RAD9B: variants seen among roughly 807,000 people sequenced by gnomAD.
The protein encoded by RAD9B is cell cycle checkpoint control protein RAD9B.
RAD9B carries 41 observed loss-of-function variants against 48.3 expected under a neutral mutation model. The ratio of observed to expected loss-of-function variants is 0.85; its 90% CI spans 0.66 to 1.10. The LOEUF is 1.10. Ranked by LOEUF, RAD9B falls within the 50% of genes least tolerant of loss-of-function variation. The pLI, the probability that RAD9B is intolerant of heterozygous loss-of-function variation, is 0.00. For missense variants in RAD9B, 444 were observed against 485.1 expected (o/e 0.92, Z 0.80); for synonymous variants, 160 against 157.9 (o/e 1.01, Z -0.10).
At position 110,506,784 on chromosome 12, in the gene RAD9B, C is replaced by T. The variant is rs1009905876; in HGVS notation, c.388+91C>T. 205 of 672,230 alleles carry T rather than the reference C, an allele frequency of 3.0e-4. 2 individuals are homozygous for T. In the East Asian group the frequency reaches 4.1e-3, roughly 13 times the overall value. The allele number at this position is 672,230 out of a possible 1,614,324, so 41.6% of individuals were successfully genotyped here. A position where few individuals can be genotyped will look rare whatever the true frequency, so the allele number is the denominator to read the frequency against. On this transcript the variant is annotated intron_variant, in intron 4 of 10. Transcript: ENST00000409300. Reference sequence around the variant, plus strand: ...ATTGATATTTCATGTCAAGATTTCTCGTTACATTATTGCTTAGAGTGTGTG... The same window carrying T: ...ATTGATATTTCATGTCAAGATTTCTTGTTACATTATTGCTTAGAGTGTGTG...
At chr12:110,516,540 G>A (rs1265092499) in intron 6 of RAD9B, among the ~76,000 whole-genome samples, 2 of 152,000 alleles carry the variant, frequency 1.3e-5, no homozygotes, top group Non-Finnish European at 2.9e-5. Flanking sequence ...GGCCGGGTGC[G>A]GTGGCTCACG....
intron 1 of RAD9B, chr12:110,502,661 G>A (rs550491639): frequency 4.7e-6 from 2 of 426,828 alleles, no homozygotes; most frequent in South Asian, 3.5e-5. Context: ...GACTGCATGG[G>A]GAAGAGTTGA....
At chr12:110,518,598 G>A in intron 6 of RAD9B, 78 bp from the exon 7 acceptor site, 3 of 962,820 alleles carry the variant, frequency 3.1e-6, no homozygotes, top group South Asian at 1.7e-5. Context: ...GGATTTGGGA[G>A]ACCAGAAAAA....
chr12:110,512,569 G>T (rs1409016016), intron 4 of RAD9B, among the ~76,000 whole-genome samples: 2 of 152,216 alleles, frequency 1.3e-5, no homozygotes, highest in Admixed American at 6.5e-5. Flanking sequence ...TCTCCTGCCT[G>T]ATTGGTCAGA....
intron 10 of RAD9B, among the ~76,000 whole-genome samples, chr12:110,528,881 C>T (rs559026017): frequency 6.6e-6 from 1 of 152,256 alleles, no homozygotes; most frequent in African/African-American, 2.4e-5. Flanking sequence ...GCATGCATCA[C>T]CACACCCAGC....
chr12:110,532,624 GT>G lies in RAD9B; in HGVS notation c.*1975del. ...ATACAGTCATGTGCTGCATAACAAC[GT>G]TTTGGTCAACGATGGACTGCACAGA... On this transcript the variant is annotated 3_prime_UTR_variant, in exon 11 of 11. Coordinates refer to ENST00000409300, the MANE Select transcript of RAD9B (RefSeq NM_001286535.2). Among the ~76,000 whole-genome samples the G allele has an allele frequency of 6.6e-6, 1 of 152,314 alleles. No homozygotes were observed. Among genetic ancestry groups the G allele is most frequent in the East Asian group, 1.9e-4 (1 of 5,192 alleles).
In RAD9B at chr12:110,531,303, C is replaced by T; in HGVS notation, c.*650C>T. 2 of 431,756 alleles carry T rather than the reference C, an allele frequency of 4.6e-6. No homozygotes were observed. The highest frequency in any genetic ancestry group is 7.3e-6 in the Non-Finnish European group (2 of 273,826). The allele number at this position is 431,756 out of a possible 1,614,324, so 26.7% of individuals were successfully genotyped here. A position where few individuals can be genotyped will look rare whatever the true frequency, so the allele number is the denominator to read the frequency against. On this transcript the variant is annotated 3_prime_UTR_variant, in exon 11 of 11. Transcript: ENST00000409300. ...TGCCTCCCAGGTCCAAGCGATTCTCCTGCCTCAGCCTCCCGTGCAGCTGGG... is the reference window on the plus strand; with the variant it reads ...TGCCTCCCAGGTCCAAGCGATTCTCTTGCCTCAGCCTCCCGTGCAGCTGGG...
At chr12:110,526,226 A>AG (rs1393919434) in intron 10 of RAD9B, among the ~76,000 whole-genome samples, 1 of 152,224 alleles carries the variant, frequency 6.6e-6, no homozygotes, top group East Asian at 1.9e-4. Flanking sequence ...TAGTAAAAAA[A>AG]AAAAGATTTT....
rs1294673731 is a variant in RAD9B at position 110,532,846 on chromosome 12, T to C, written c.*2193T>C. Among the ~76,000 whole-genome samples, 3 of 152,240 alleles carry C rather than the reference T, an allele frequency of 2.0e-5. No homozygotes were observed. The highest frequency in any genetic ancestry group is 4.8e-5 in the African/African-American group (2 of 41,456). On this transcript the variant is annotated 3_prime_UTR_variant, in exon 11 of 11. Transcript: ENST00000409300. Reference sequence around the variant, plus strand: ...GCCTAGGAGCAACAGGCTATTCATATAGCCCAGATGTGTAGTAGGCTAGAC... The same window carrying C: ...GCCTAGGAGCAACAGGCTATTCATACAGCCCAGATGTGTAGTAGGCTAGAC...
rs2064145908 is a variant in RAD9B at position 110,531,754 on chromosome 12, A to G, written c.*1101A>G. 1 of 867,662 alleles carries G rather than the reference A, an allele frequency of 1.2e-6. No homozygotes were observed. Among genetic ancestry groups the G allele is most frequent in the African/African-American group, 1.7e-5 (1 of 58,574 alleles). The allele number at this position is 867,662 out of a possible 1,614,324, so 53.7% of individuals were successfully genotyped here. ...TTTACCTGCACAAATGGACTAAAAA[A>G]TCTGGCACAAAACATTGTTATGTAA... On this transcript the variant is annotated 3_prime_UTR_variant, in exon 11 of 11. Transcript: ENST00000409300.
chr12:110,519,293 G>A (rs2063701608), intron 8 of RAD9B, among the ~76,000 whole-genome samples: 1 of 151,978 alleles, frequency 6.6e-6, no homozygotes, highest in Non-Finnish European at 1.5e-5. Context: ...TGGTAGAGAC[G>A]GGGTTTCACC....
At chr12:110,511,376 C>T (rs894417526) in intron 4 of RAD9B, 16 of 375,944 alleles carry the variant, frequency 4.3e-5, no homozygotes, top group Non-Finnish European at 6.5e-5. Context: ...AGTATATATA[C>T]ACAATGGAAT....
At chr12:110,502,440 G>C in intron 1 of RAD9B, 57 bp downstream of exon 1, 1 of 1,586,382 alleles carries the variant, frequency 6.3e-7, no homozygotes. Context: ...ACGTTAATAG[G>C]TCGTCCCTAC....
chr12:110,503,904 A>T, intron 2 of RAD9B, 28 bp downstream of exon 2: 1 of 1,409,010 alleles, frequency 7.1e-7, no homozygotes, highest in Middle Eastern at 1.8e-4. Context: ...CAGATCACGT[A>T]TCAAGGCAAG....
At chr12:110,527,969 C>T (rs982164501) in intron 10 of RAD9B, among the ~76,000 whole-genome samples, 4 of 152,016 alleles carry the variant, frequency 2.6e-5, no homozygotes, top group Non-Finnish European at 5.9e-5. Context: ...GGGATGGCCA[C>T]TGTGGTTGGA....
rs1414478900 is a variant in RAD9B at position 110,530,634 on chromosome 12, G to A, written c.1235G>A (p.Gly412Asp). 6.2e-7 allele frequency: 1 copy of A among 1,613,942 alleles called. No individual in the cohort carries two copies. Among genetic ancestry groups the A allele is most frequent in the Non-Finnish European group, 8.5e-7 (1 of 1,179,834 alleles). The change falls in exon 11 of 11, where the codon GGC (glycine) becomes GAC (aspartate). Residue 412 changes from glycine to aspartate, a missense_variant. Coordinates refer to ENST00000409300, the MANE Select transcript of RAD9B (RefSeq NM_001286535.2). ...GACAGTGAAGAGGACATGAATAATG[G>A]CAGTTTCTCTATATTCTAATGCTTA... ...ASDSEEDMNN[G>D]SFSIF
chr12:110,503,822 T>G lies in RAD9B; in HGVS notation c.63T>G (p.Val21=). The change falls in exon 2 of 11, where the codon GTT becomes GTG. Residue 21 remains valine (V), a synonymous_variant. Coordinates refer to ENST00000409300, the MANE Select transcript of RAD9B (RefSeq NM_001286535.2). ...TCTCCATAGTATTTGGGAAAGCAGTTCAAGCTCTATCACGAATTAGTGACG... is the reference window on the plus strand; with the variant it reads ...TCTCCATAGTATTTGGGAAAGCAGTGCAAGCTCTATCACGAATTAGTGACG... ...GSQVKVFGKA[V]QALSRISDEF... is the part of the protein sequence containing the mutation. 1 of 1,607,068 alleles carries G rather than the reference T, an allele frequency of 6.2e-7. No individual in the cohort carries two copies. Among genetic ancestry groups the G allele is most frequent in the South Asian group, 1.1e-5 (1 of 89,972 alleles).
chr12:110,529,494 T>C (rs1280038991), intron 10 of RAD9B, among the ~76,000 whole-genome samples: 1 of 151,968 alleles, frequency 6.6e-6, no homozygotes, highest in African/African-American at 2.4e-5. Context: ...CTCATGCCTG[T>C]AATTCTAGCA....
intron 6 of RAD9B, among the ~76,000 whole-genome samples, chr12:110,518,472 G>A (rs1233058477): frequency 6.6e-6 from 1 of 152,154 alleles, no homozygotes; most frequent in Non-Finnish European, 1.5e-5. Context: ...GAATCATTGG[G>A]TAGTTTAAGA....
Sources: gnomAD v4.1 joint callset for allele counts (sites outside exome capture counted in the v4.1 genomes callset) on GRCh38, gnomAD v4.1.1 for gene constraint, MANE v1.5 for transcripts, NCBI Gene and HGNC (gene_info 2026-07-23, HGNC 2026-07-21) for gene names.